The following LSAMP variants were observed in gnomAD, a reference collection of about 807,000 sequenced individuals.
LSAMP encodes the protein limbic system associated membrane protein.
Under a neutral mutation model 38.6 loss-of-function variants are expected in LSAMP, and 7 were observed. The ratio of observed to expected loss-of-function variants is 0.18; its 90% CI spans 0.10 to 0.34. The LOEUF is 0.34. Among genes scored for constraint, LSAMP ranks in the 10% least tolerant of loss-of-function variants. The probability of loss-of-function intolerance (pLI) is 1.00; values close to 1 mark genes in which losing one functional copy is unlikely to be tolerated. For synonymous variants in LSAMP, 154 were observed against 166.8 expected, an observed-to-expected ratio of 0.92 and a Z score of 0.59; for missense variants, 313 against 420.0, an observed-to-expected ratio of 0.75 and a Z score of 2.23.
chr3:116,289,556 A>G (rs2047236895), intron 1 of LSAMP, among the ~76,000 whole-genome samples: 2 of 152,044 alleles, frequency 1.3e-5, no homozygotes, highest in African/African-American at 2.4e-5. Context: ...TTTGCAATCA[A>G]TTTCCCCTAC....
At chr3:115,876,283 T>G (rs1936178567) in intron 3 of LSAMP, among the ~76,000 whole-genome samples, 1 of 149,034 alleles carries the variant, frequency 6.7e-6, no homozygotes, top group African/African-American at 2.4e-5. Context: ...AAAAGCTTTT[T>G]TTTTTTTTTT....
At chr3:116,287,134 G>C (rs754485016) in intron 1 of LSAMP, among the ~76,000 whole-genome samples, 2 of 152,078 alleles carry the variant, frequency 1.3e-5, no homozygotes, top group Non-Finnish European at 2.9e-5. Flanking sequence ...AACTGTTTAA[G>C]ACTTGGTGAT....
intron 1 of LSAMP, among the ~76,000 whole-genome samples, chr3:116,240,559 A>G (rs937071927): frequency 6.6e-6 from 1 of 152,344 alleles, no homozygotes; most frequent in East Asian, 1.9e-4. Context: ...AAATGAAATT[A>G]AACTTCACTT....
chr3:116,043,730 G>C (rs552188786), intron 2 of LSAMP, among the ~76,000 whole-genome samples: 93 of 152,342 alleles, frequency 6.1e-4, no homozygotes, highest in African/African-American at 2.2e-3. Flanking sequence ...CGGATCACGA[G>C]GTCAGGAGAT....
intron 2 of LSAMP, among the ~76,000 whole-genome samples, chr3:116,030,147 G>C (rs1020917230): frequency 6.6e-6 from 1 of 151,998 alleles, no homozygotes; most frequent in African/African-American, 2.4e-5. Context: ...CTAAAATCAA[G>C]GTATATTAAA....
intron 3 of LSAMP, among the ~76,000 whole-genome samples, chr3:116,007,299 G>A (rs1940189642): frequency 6.7e-6 from 1 of 148,470 alleles, no homozygotes; most frequent in South Asian, 2.1e-4. Context: ...TTTTTTTTTT[G>A]CCAAGGAGTT....
chr3:116,187,547 A>G (rs1488635174), intron 1 of LSAMP, among the ~76,000 whole-genome samples: 1 of 152,126 alleles, frequency 6.6e-6, no homozygotes, highest in African/African-American at 2.4e-5. Flanking sequence ...CATTTTTTCA[A>G]AGCATCAAGA....
At chr3:116,023,662 A>G (rs2107692992) in intron 2 of LSAMP, among the ~76,000 whole-genome samples, 1 of 151,456 alleles carries the variant, frequency 6.6e-6, no homozygotes, top group African/African-American at 2.4e-5. Flanking sequence ...CTTCATGCTC[A>G]CTGCCACACA....
intron 2 of LSAMP, among the ~76,000 whole-genome samples, chr3:116,067,465 C>T (rs1707485435): frequency 6.6e-6 from 1 of 152,112 alleles, no homozygotes; most frequent in Non-Finnish European, 1.5e-5. Context: ...ATACAGCAGC[C>T]GAGGTATATA....
chr3:115,834,688 A>G (rs1934728476), intron 6 of LSAMP: 2 of 560,204 alleles, frequency 3.6e-6, no homozygotes, highest in African/African-American at 4.2e-5. Context: ...CAATTATACA[A>G]CAGATGAATT....
chr3:116,284,177 A>G (rs1203288296), intron 1 of LSAMP, among the ~76,000 whole-genome samples: 1 of 152,164 alleles, frequency 6.6e-6, no homozygotes, highest in Non-Finnish European at 1.5e-5. Flanking sequence ...TAGGAGGCTG[A>G]TGATTTTAGA....
chr3:116,324,545 T>A lies in LSAMP; in HGVS notation c.155+120332A>T, dbSNP rs554541095. Among the ~76,000 whole-genome samples, 4 of 152,272 alleles carry A rather than the reference T, an allele frequency of 2.6e-5. No homozygotes were observed. In the East Asian group the frequency reaches 7.7e-4, roughly 29 times the overall value. On this transcript the variant is annotated intron_variant, in intron 1 of 6. Transcript: ENST00000490035. ...GAGTGTGTAGTGATAAAACGTTTCA[T>A]TAATACTAGAGTCATAATCTATTCA...
intron 1 of LSAMP, among the ~76,000 whole-genome samples, chr3:116,266,626 C>T (rs987338533): frequency 3.9e-5 from 6 of 151,982 alleles, no homozygotes; most frequent in Non-Finnish European, 5.9e-5. Flanking sequence ...TGTACGTATG[C>T]CTTATGTCCA....
intron 1 of LSAMP, among the ~76,000 whole-genome samples, chr3:116,110,933 A>T (rs1708596709): frequency 1.3e-5 from 2 of 151,462 alleles, no homozygotes; most frequent in African/African-American, 4.9e-5. Flanking sequence ...GCCGTTTTAT[A>T]GGATTTAGGA....
chr3:116,007,828 A>G (rs557324388), intron 3 of LSAMP, among the ~76,000 whole-genome samples: 1 of 152,238 alleles, frequency 6.6e-6, no homozygotes, highest in South Asian at 2.1e-4. Flanking sequence ...CTGTAAGTTT[A>G]CTTTGCATCA....
intron 1 of LSAMP, among the ~76,000 whole-genome samples, chr3:116,347,129 A>G (rs1269921259): frequency 6.6e-6 from 1 of 152,174 alleles, no homozygotes; most frequent in Non-Finnish European, 1.5e-5. Context: ...AATCTTGCTT[A>G]TGGCTATACT....
intron 6 of LSAMP, among the ~76,000 whole-genome samples, chr3:115,840,349 G>A (rs1331530658): frequency 2.7e-5 from 4 of 148,832 alleles, no homozygotes; most frequent in African/African-American, 7.4e-5. Context: ...GGTTCCCCCC[G>A]CACCCCCCCT....
At chr3:116,156,354 G>A (rs1709747459) in intron 1 of LSAMP, among the ~76,000 whole-genome samples, 1 of 152,082 alleles carries the variant, frequency 6.6e-6, no homozygotes, top group Admixed American at 6.6e-5. Context: ...AATTTGGGGT[G>A]GGGTCAGAGG....
intron 3 of LSAMP, among the ~76,000 whole-genome samples, chr3:115,939,242 C>G (rs891099172): frequency 2.0e-5 from 3 of 152,024 alleles, no homozygotes; most frequent in African/African-American, 7.2e-5. Context: ...GTTTCCCCAT[C>G]TTAAGAAGAT....
Sources: allele counts gnomAD v4.1 joint callset (sites outside exome capture counted in the v4.1 genomes callset), GRCh38; gene constraint gnomAD v4.1.1; transcripts MANE v1.5; gene names NCBI Gene and HGNC (gene_info 2026-07-23, HGNC 2026-07-21).